The following GIGYF1 variants were observed in gnomAD, a reference collection of about 807,000 sequenced individuals.
GIGYF1 encodes the protein GRB10 interacting GYF protein 1.
GIGYF1 carries 84 observed loss-of-function variants against 147.1 expected under a neutral mutation model. The ratio of observed to expected loss-of-function variants is 0.57; its 90% confidence interval spans 0.48 to 0.68. The LOEUF (loss-of-function observed/expected upper bound fraction) is 0.68. GIGYF1 is among the 30% of genes least tolerant of loss of function. The pLI, the probability that GIGYF1 is intolerant of heterozygous loss-of-function variation, is 0.00. For missense variants in GIGYF1, 1,485 were observed against 1,393.7 expected (o/e 1.07, Z -1.04); for synonymous variants, 752 against 589.5 (o/e 1.28, Z -3.99).
chr7:100,685,205 G>A lies in GIGYF1; in HGVS notation c.1193-59C>T, dbSNP rs866559397. On this transcript the variant is annotated intron_variant, in intron 13 of 26. Coordinates refer to ENST00000678049, the MANE Select transcript of GIGYF1 (RefSeq NM_001375765.1). ...GCGGGGAGGAGACAAGATAGCTTTCGCCTACTCTCACTCCAGAACACCACG... is the reference window on the plus strand; with the variant it reads ...GCGGGGAGGAGACAAGATAGCTTTCACCTACTCTCACTCCAGAACACCACG... The A allele has an allele frequency of 3.0e-5, 45 of 1,512,450 alleles. No homozygotes were observed. The Middle Eastern group carries it at 1.2e-3, about 40-fold the overall frequency. The allele number at this position is 1,512,450 out of a possible 1,614,324, so 93.7% of individuals were successfully genotyped here.
rs11461467 is a variant in GIGYF1 at position 100,681,374 on chromosome 7, C to A, written c.*345G>T. 1.1e-3 allele frequency: 131 copies of A among 122,322 alleles called. No individual in the cohort carries two copies. Among genetic ancestry groups the A allele is most frequent in the East Asian group, 2.2e-3 (11 of 5,036 alleles). The allele number at this position is 122,322 out of a possible 1,614,324, so 7.6% of individuals were successfully genotyped here. ...TTTTTTCTTAAAAAAAAAAAAAAAA[C>A]CAAAAAACAAAAACCTCTGTGGACC... On this transcript the variant is annotated 3_prime_UTR_variant, in exon 27 of 27. Coordinates refer to ENST00000678049, the MANE Select transcript of GIGYF1 (RefSeq NM_001375765.1).
Position 100,687,371 on chromosome 7 carries a change from T to C in GIGYF1, c.409A>G (p.Ser137Gly), listed in dbSNP as rs1199988038. 6.2e-7 allele frequency: 1 copy of C among 1,613,352 alleles called. No homozygotes were observed. The highest frequency in any genetic ancestry group is 2.2e-5 in the East Asian group (1 of 44,876). Reference sequence around the variant, plus strand: ...AAGGCCCCATCGCCTTCTTCGATGCTTCTTTGGTAAAAGCAGCTGTCACCA... The same window carrying C: ...AAGGCCCCATCGCCTTCTTCGATGCCTCTTTGGTAAAAGCAGCTGTCACCA... ...GRGDSCFYQR[S>G]IEEGDGAFGR... Residue 137 changes from serine to glycine, a missense_variant, in exon 8 of 27, where the codon AGC (serine) becomes GGC (glycine). By Grantham distance (56) the Ser-to-Gly change is moderately conservative (BLOSUM62 0). Coordinates refer to ENST00000678049, the MANE Select transcript of GIGYF1 (RefSeq NM_001375765.1).
chr7:100,686,152 G>A (rs1805316861), intron 11 of GIGYF1, 28 bp downstream of exon 11: 2 of 1,602,262 alleles, frequency 1.2e-6, no homozygotes, highest in Non-Finnish European at 8.5e-7. Context: ...GGAAGGGCAG[G>A]TTCCCACCCT....
Position 100,679,558 on chromosome 7 carries a change from G to C in GIGYF1, c.*2161C>G, listed in dbSNP as rs1267055571. 1 of 152,880 alleles carries C rather than the reference G, an allele frequency of 6.5e-6. No individual in the cohort carries two copies. The highest frequency in any genetic ancestry group is 2.4e-5 in the African/African-American group (1 of 41,432). 9.5% of individuals were successfully genotyped at this position (152,880 alleles called of 1,614,324 possible). A position where few individuals can be genotyped will look rare whatever the true frequency, so the allele number is the denominator to read the frequency against. ...GGAGAAGGGAGTATTTACAGGAGCA[G>C]GTAAAAGAGAGGGAAGTCACACAGG... On this transcript the variant is annotated 3_prime_UTR_variant, in exon 27 of 27. Coordinates refer to ENST00000678049, the MANE Select transcript of GIGYF1 (RefSeq NM_001375765.1).
chr7:100,693,481 C>T (rs1477061089), intron 1 of GIGYF1, among the ~76,000 whole-genome samples: 1 of 152,074 alleles, frequency 6.6e-6, no homozygotes. Flanking sequence ...CTAAGATCGC[C>T]GGAGCGAAAG....
chr7:100,688,421 G>A (rs1369171119), intron 3 of GIGYF1, 30 bp downstream of exon 3: 6 of 705,466 alleles, frequency 8.5e-6, no homozygotes, highest in Non-Finnish European at 1.5e-5. Context: ...GGACTAGCTG[G>A]TGGGTCACCT....
At chr7:100,687,713 G>T in intron 6 of GIGYF1, 75 bp downstream of exon 6, 1 of 1,519,224 alleles carries the variant, frequency 6.6e-7, no homozygotes, top group Non-Finnish European at 9.1e-7. Context: ...CTCAGCGCTG[G>T]CCCCTCTCCT....
Position 100,684,308 on chromosome 7 carries a change from C to G in GIGYF1, c.1659G>C (p.Lys553Asn), listed in dbSNP as rs756697808. ...LGNMDQERLK[K>N]QQELAAAALY... ...AGGCCGCCGCGGCCAGCTCCTGTTG[C>G]TTCTTCAGCCGCTCCTGGTCCATGT... The change falls in exon 17 of 27, where the codon AAG becomes AAC. Residue 553 changes from lysine (K) to asparagine (N), a missense_variant. Physicochemically the swap from Lys to Asn is moderately conservative, Grantham distance 94 (BLOSUM62 0). Transcript: ENST00000678049. 1 of 1,600,466 alleles carries G rather than the reference C, an allele frequency of 6.2e-7. No individual in the cohort carries two copies. The highest frequency in any genetic ancestry group is 1.7e-5 in the Admixed American group (1 of 57,996).
intron 6 of GIGYF1, 45 bp downstream of exon 6, chr7:100,687,743 T>TCCCC (rs1805510881): frequency 6.8e-7 from 1 of 1,463,014 alleles, no homozygotes; most frequent in Admixed American, 1.9e-5. Context: ...ACCCATGGCC[T>TCCCC]CCCCTCCCAG....
Position 100,688,642 on chromosome 7 carries a change from A to G in GIGYF1, c.-185T>C. 2 of 430,428 alleles carry G rather than the reference A, an allele frequency of 4.6e-6. No homozygotes were observed. The highest frequency in any genetic ancestry group is 3.5e-5 in the South Asian group (2 of 56,432). The allele number at this position is 430,428 out of a possible 1,614,324, so 26.7% of individuals were successfully genotyped here. On this transcript the variant is annotated 5_prime_UTR_variant, in exon 2 of 27. Coordinates refer to ENST00000678049, the MANE Select transcript of GIGYF1 (RefSeq NM_001375765.1). ...AGGGCAGGGGCTGGTGCTGGAGTGA[A>G]CGAGGGTACCCAAGCCACTGGGAAT...
At position 100,687,393 on chromosome 7, in the gene GIGYF1, A is replaced by C; in HGVS notation, c.387T>G (p.Gly129=). The C allele has an allele frequency of 6.2e-7, 1 of 1,613,348 alleles. No individual in the cohort carries two copies. The highest frequency in any genetic ancestry group is 8.5e-7 in the Non-Finnish European group (1 of 1,179,976). ...TGCTTCTTTGGTAAAAGCAGCTGTC[A>C]CCACGGCCGCGGCCTAGAGAAGAGG... ...GSTRSRGRGR[G]DSCFYQRSIE... Residue 129 remains glycine, a synonymous_variant, in exon 8 of 27, where the codon GGT becomes GGG. Transcript: ENST00000678049.
intron 13 of GIGYF1, 30 bp from the exon 14 acceptor site, chr7:100,685,176 A>AAGGGC (rs1295336713): frequency 6.5e-7 from 1 of 1,546,036 alleles, no homozygotes; most frequent in African/African-American, 1.4e-5. Context: ...AGGTGGAAAG[A>AAGGGC]AGGGCGGGGA....
In GIGYF1 at chr7:100,687,074, A is replaced by G. The variant is rs534677748; in HGVS notation, c.483-28T>C. The G allele has an allele frequency of 9.9e-6, 16 of 1,613,700 alleles. No homozygotes were observed. In the African/African-American group the frequency reaches 2.1e-4, roughly 22 times the overall value. On this transcript the variant is annotated intron_variant, in intron 8 of 26. Coordinates refer to ENST00000678049, the MANE Select transcript of GIGYF1 (RefSeq NM_001375765.1). ...GCAGCAGGGGAAACGTGTGGGTCAG[A>G]AACAGTACAGCCTCCCCTGCCACCC...
chr7:100,687,333 G>C lies in GIGYF1; in HGVS notation c.447C>G (p.Pro149=). The change falls in exon 8 of 27, where the codon CCC becomes CCG. Residue 149 remains proline (P), a synonymous_variant. Transcript: ENST00000678049. ...AGCTCTGGCTGCGCTGGATTTCCCG[G>C]GGGCTTCGTCCAAAGGCCCCATCGC... ...EEGDGAFGRS[P]REIQRSQSWD... is the part of the protein sequence containing the mutation. 2 of 1,613,212 alleles carry C rather than the reference G, an allele frequency of 1.2e-6. No individual in the cohort carries two copies. The highest frequency in any genetic ancestry group is 1.7e-6 in the Non-Finnish European group (2 of 1,179,952).
At chr7:100,693,093 G>C (rs574359140) in intron 1 of GIGYF1, among the ~76,000 whole-genome samples, 1 of 152,002 alleles carries the variant, frequency 6.6e-6, no homozygotes, top group East Asian at 1.9e-4. Flanking sequence ...CTTCCAGAAC[G>C]ACACTTTGAG....
At chr7:100,688,409 C>G (rs1282520808) in intron 3 of GIGYF1, 42 bp downstream of exon 3, 2 of 714,360 alleles carry the variant, frequency 2.8e-6, no homozygotes, top group Non-Finnish European at 5.0e-6. Flanking sequence ...ACAATGGGCC[C>G]CGGACTAGCT....
rs967245474 is a variant in GIGYF1, at chr7:100,679,858, CAA to C, written c.*1859_*1860del. On this transcript the variant is annotated 3_prime_UTR_variant, in exon 27 of 27. Coordinates refer to ENST00000678049, the MANE Select transcript of GIGYF1 (RefSeq NM_001375765.1). ...TCCAGGCTCATGGGCCCCCTAAGTCCAAAGTCTCTTTAGCTGGGGAGAAGAGA... is the reference window on the plus strand; with the variant it reads ...TCCAGGCTCATGGGCCCCCTAAGTCCAGTCTCTTTAGCTGGGGAGAAGAGA... The C allele has an allele frequency of 6.6e-6, 1 of 152,522 alleles. No individual in the cohort carries two copies. The highest frequency in any genetic ancestry group is 1.5e-5 in the Non-Finnish European group (1 of 68,026). The allele number at this position is 152,522 out of a possible 1,614,324, so 9.4% of individuals were successfully genotyped here. A position where few individuals can be genotyped will look rare whatever the true frequency, so the allele number is the denominator to read the frequency against.
At position 100,682,756 on chromosome 7, in the gene GIGYF1, C is replaced by G. The variant is rs773104523; in HGVS notation, c.2434G>C (p.Ala812Pro). 2.0e-6 allele frequency: 3 copies of G among 1,534,442 alleles called. No homozygotes were observed. The Admixed American group carries it at 6.3e-5, about 32-fold the overall frequency. ...HRVQLGGLGT[A>P]PLNQWVSEAG... is the part of the protein sequence containing the mutation. ...TCAGACACCCACTGGTTCAGGGGGGCAGTGCCCAGGCCCCCAAGCTGCTAC... is the reference window on the plus strand; with the variant it reads ...TCAGACACCCACTGGTTCAGGGGGGGAGTGCCCAGGCCCCCAAGCTGCTAC... The change falls in exon 23 of 27, where the codon GCC (alanine) becomes CCC (proline). Residue 812 changes from alanine (A) to proline (P), a missense_variant. Ala to Pro is a conservative substitution (Grantham distance 27, BLOSUM62 -1). Transcript: ENST00000678049.
rs548121036 is a variant in GIGYF1 at position 100,691,073 on chromosome 7, C to T, written c.-1098-1518G>A. ...GCACCCCCACAGCAGGGTCTGGTGCCGGAAGCTGATGGTGCCTGGCCCCTT... is the reference window on the plus strand; with the variant it reads ...GCACCCCCACAGCAGGGTCTGGTGCTGGAAGCTGATGGTGCCTGGCCCCTT... On this transcript the variant is annotated intron_variant, in intron 1 of 26. Transcript: ENST00000678049. Among the ~76,000 whole-genome samples, 6 of 152,276 alleles carry T rather than the reference C, an allele frequency of 3.9e-5. No homozygotes were observed. In the South Asian group the frequency reaches 8.3e-4, roughly 21 times the overall value.
Sources: allele counts gnomAD v4.1 joint callset (sites outside exome capture counted in the v4.1 genomes callset), GRCh38; gene constraint gnomAD v4.1.1; transcripts MANE v1.5; gene names NCBI Gene and HGNC (gene_info 2026-07-23, HGNC 2026-07-21).